The following CNTN1 variants were observed in gnomAD, a reference collection of about 807,000 sequenced individuals.
CNTN1 encodes contactin-1.
In CNTN1, 38 loss-of-function variants were observed where a neutral mutation model predicts 126.4. The observed-to-expected ratio is 0.30, with a 90% CI of 0.23 to 0.39. CNTN1 has a LOEUF of 0.39. CNTN1 is among the 10% of genes least tolerant of loss of function. The probability of loss-of-function intolerance (pLI) is 1.00; values close to 1 mark genes in which losing one functional copy is unlikely to be tolerated. For missense variants in CNTN1, 1,009 were observed against 1,248.4 expected, an observed-to-expected ratio of 0.81 and a Z score of 2.89; for synonymous variants, 413 against 422.6, an observed-to-expected ratio of 0.98 and a Z score of 0.28.
At chr12:40,855,594 GTTAA>G (rs1042914442) in intron 1 of CNTN1, among the ~76,000 whole-genome samples, 1 of 151,910 alleles carries the variant, frequency 6.6e-6, no homozygotes. Flanking sequence ...GGTTTTAAGT[GTTAA>G]TTATTTTTCT....
intron 1 of CNTN1, among the ~76,000 whole-genome samples, chr12:40,905,204 G>T (rs187632567): frequency 6.6e-6 from 1 of 152,152 alleles, no homozygotes; most frequent in African/African-American, 2.4e-5. Flanking sequence ...CCCTAGAAAA[G>T]TTGTCTGTAT....
At chr12:40,984,664 T>C (rs564611463) in intron 16 of CNTN1, among the ~76,000 whole-genome samples, 21 of 152,170 alleles carry the variant, frequency 1.4e-4, no homozygotes, top group Non-Finnish European at 2.2e-4. Context: ...CCTCCAATAT[T>C]GGGGATCAAA....
intron 1 of CNTN1, among the ~76,000 whole-genome samples, chr12:40,712,770 T>C (rs142700252): frequency 2.9e-4 from 44 of 152,314 alleles, no homozygotes; most frequent in African/African-American, 9.6e-4. Flanking sequence ...TTCTTTTAAA[T>C]TTCAGGAACC....
chr12:40,989,403 T>C (rs1346360379), intron 16 of CNTN1, among the ~76,000 whole-genome samples: 2 of 152,048 alleles, frequency 1.3e-5, no homozygotes, highest in Non-Finnish European at 2.9e-5. Flanking sequence ...AACTCACAAT[T>C]GAAGGGAAAG....
intron 23 of CNTN1, among the ~76,000 whole-genome samples, chr12:41,057,021 A>ATATTTATAAATAT (rs1949831698): frequency 1.8e-5 from 1 of 54,652 alleles, no homozygotes; most frequent in Non-Finnish European, 3.3e-5. Context: ...TTTATAAATG[A>ATATTTATAAATAT]TATTTATAAA....
chr12:40,950,497 G>A (rs1225545897), intron 14 of CNTN1, among the ~76,000 whole-genome samples: 1 of 152,110 alleles, frequency 6.6e-6, no homozygotes, highest in Non-Finnish European at 1.5e-5. Flanking sequence ...GGAAAAGAGG[G>A]AGAAATACAT....
At chr12:40,904,045 G>A (rs903008047) in intron 1 of CNTN1, among the ~76,000 whole-genome samples, 25 of 152,196 alleles carry the variant, frequency 1.6e-4, no homozygotes, top group African/African-American at 5.5e-4. Flanking sequence ...TTGAGATGGA[G>A]TCTCGCTCTG....
chr12:40,717,989 T>C (rs1942091174), intron 1 of CNTN1, among the ~76,000 whole-genome samples: 1 of 152,202 alleles, frequency 6.6e-6, no homozygotes. Context: ...GACTTAAAAG[T>C]AGATTAAGTT....
At chr12:40,899,097 C>A (rs1269087720) in intron 1 of CNTN1, among the ~76,000 whole-genome samples, 1 of 152,142 alleles carries the variant, frequency 6.6e-6, no homozygotes, top group Non-Finnish European at 1.5e-5. Context: ...TTGGATCTGG[C>A]ACTATTTCTT....
chr12:40,787,752 A>G (rs76718814), intron 1 of CNTN1, among the ~76,000 whole-genome samples: 211 of 152,290 alleles, frequency 1.4e-3, no homozygotes, highest in South Asian at 9.1e-3. Context: ...TTACACAATG[A>G]CATTCACCTG....
At chr12:41,034,738 A>T (rs925899929) in intron 23 of CNTN1, among the ~76,000 whole-genome samples, 1 of 152,222 alleles carries the variant, frequency 6.6e-6, no homozygotes, top group Admixed American at 6.5e-5. Flanking sequence ...TATTCTCTTC[A>T]TTACCATTGA....
At chr12:41,060,156 A>G (rs371021261) in intron 23 of CNTN1, among the ~76,000 whole-genome samples, 130 of 152,328 alleles carry the variant, frequency 8.5e-4, no homozygotes, top group African/African-American at 3.1e-3. Flanking sequence ...CTTTATTGTC[A>G]ATACCCACAA....
At chr12:40,971,021 C>A (rs1460685042) in intron 15 of CNTN1, among the ~76,000 whole-genome samples, 1 of 152,142 alleles carries the variant, frequency 6.6e-6, no homozygotes, top group Admixed American at 6.6e-5. Flanking sequence ...CGTTGATTAA[C>A]TTTTTCAAAC....
intron 17 of CNTN1, among the ~76,000 whole-genome samples, chr12:41,005,826 T>C (rs1948478732): frequency 6.6e-6 from 1 of 152,160 alleles, no homozygotes; most frequent in Admixed American, 6.5e-5. Flanking sequence ...CTTCATTGTT[T>C]TATAATTATT....
At chr12:40,848,176 C>T (rs1942588269) in intron 1 of CNTN1, among the ~76,000 whole-genome samples, 2 of 152,076 alleles carry the variant, frequency 1.3e-5, no homozygotes, top group African/African-American at 4.8e-5. Flanking sequence ...CAGCTTTATG[C>T]CTTGACAGAA....
intron 1 of CNTN1, among the ~76,000 whole-genome samples, chr12:40,849,770 CAG>C (rs2136612480): frequency 6.6e-6 from 1 of 152,066 alleles, no homozygotes; most frequent in South Asian, 2.1e-4. Context: ...TTCAATTTCT[CAG>C]CATGCCATAT....
intron 23 of CNTN1, among the ~76,000 whole-genome samples, chr12:41,048,889 C>T (rs776775604): frequency 3.9e-5 from 6 of 152,170 alleles, no homozygotes; most frequent in Non-Finnish European, 8.8e-5. Context: ...AATTTATCAT[C>T]TTCACCACCT....
At chr12:40,921,564 T>C (rs553730495) in intron 4 of CNTN1, among the ~76,000 whole-genome samples, 1 of 152,214 alleles carries the variant, frequency 6.6e-6, no homozygotes, top group Admixed American at 6.5e-5. Flanking sequence ...TATGATATTA[T>C]GTGGTTGGGG....
chr12:40,909,331 G>A (rs1325434190), intron 2 of CNTN1, among the ~76,000 whole-genome samples: 1 of 151,786 alleles, frequency 6.6e-6, no homozygotes, highest in Non-Finnish European at 1.5e-5. Flanking sequence ...TACCCAACTA[G>A]TACTTATTGA....
Sources: allele counts gnomAD v4.1 joint callset (sites outside exome capture counted in the v4.1 genomes callset), GRCh38; gene constraint gnomAD v4.1.1; transcripts MANE v1.5; gene names NCBI Gene and HGNC (gene_info 2026-07-23, HGNC 2026-07-21).